Variants in ABI3BP observed in about 807,000 individuals in gnomAD.
The protein encoded by ABI3BP is target of Nesh-SH3.
ABI3BP carries 216 observed loss-of-function variants against 268.6 expected under a neutral mutation model. That is an observed-to-expected ratio of 0.80 (90% CI 0.72 to 0.90). The LOEUF is 0.90. Ranked by LOEUF, ABI3BP falls within the 40% of genes least tolerant of loss-of-function variation. The pLI, the probability that ABI3BP is intolerant of heterozygous loss-of-function variation, is 0.00. For synonymous variants in ABI3BP, 730 were observed against 730.0 expected, an observed-to-expected ratio of 1.00 and a Z score of 0.00; for missense variants, 2,090 against 2,182.4, an observed-to-expected ratio of 0.96 and a Z score of 0.84.
At position 100,838,403 on chromosome 3, in the gene ABI3BP, A is replaced by C. The variant is rs73861219; in HGVS notation, c.2007T>G (p.Pro669=). ...CAAGGCATTGAAAGTAATGATTACC[A>C]GGCTGAATTTGAGGTGCATCTGGTC... ...THRPDAPQIQ[P]GSKPPKQLLP... Residue 669 remains proline (P), a splice_region_variant and synonymous_variant, in exon 25 of 68, where the codon CCT becomes CCG. Coordinates refer to ENST00000471714, the MANE Select transcript of ABI3BP (RefSeq NM_001375547.2). 6.5e-7 allele frequency: 1 copy of C among 1,535,788 alleles called. No individual in the cohort carries two copies. The highest frequency in any genetic ancestry group is 2.0e-5 in the Admixed American group (1 of 50,984).
chr3:100,981,057 T>C (rs1156539240), intron 1 of ABI3BP, among the ~76,000 whole-genome samples: 1 of 152,206 alleles, frequency 6.6e-6, no homozygotes, highest in Non-Finnish European at 1.5e-5. Context: ...GCCAAAGCCA[T>C]CTAGGAATGC....
intron 2 of ABI3BP, among the ~76,000 whole-genome samples, chr3:100,905,691 A>G (rs1434243202): frequency 1.3e-5 from 2 of 152,218 alleles, no homozygotes; most frequent in African/African-American, 4.8e-5. Flanking sequence ...GCATATATGT[A>G]TAAACTGTAA....
In ABI3BP at chr3:100,775,234, T is replaced by G; in HGVS notation, c.4435A>C (p.Thr1479Pro). ...AGTTCTTCTCCAGAGGCAGGAACTG[T>G]TGGTTGCTTTATATCTGTCTCTATT... Reference protein sequence around the residue: ...ERIETDIKQPTVPASGEELEN... With the variant: ...ERIETDIKQPPVPASGEELEN... The change falls in exon 60 of 68, where the codon ACA (threonine) becomes CCA (proline). Residue 1479 changes from threonine (T) to proline (P), a missense_variant. Transcript: ENST00000471714. The G allele has an allele frequency of 6.2e-7, 1 of 1,612,196 alleles. No homozygotes were observed. Among genetic ancestry groups the G allele is most frequent in the Non-Finnish European group, 8.5e-7 (1 of 1,179,146 alleles).
chr3:100,782,431 T>G (rs1419438167), intron 57 of ABI3BP, among the ~76,000 whole-genome samples: 1 of 152,188 alleles, frequency 6.6e-6, no homozygotes, highest in Non-Finnish European at 1.5e-5. Context: ...TTATGATCCT[T>G]AGACATAAGT....
chr3:100,772,806 T>C (rs2150002605), intron 61 of ABI3BP, among the ~76,000 whole-genome samples: 2 of 152,012 alleles, frequency 1.3e-5, no homozygotes, highest in Middle Eastern at 6.8e-3. Flanking sequence ...AGGCTGGGCG[T>C]GGTGGCTCAT....
Position 100,837,428 on chromosome 3 carries a change from T to C in ABI3BP, c.2084-257A>G, listed in dbSNP as rs551601335. 2.6e-4 allele frequency: 93 copies of C among 357,040 alleles called. No individual in the cohort carries two copies. The South Asian group carries it at 5.5e-3, about 21-fold the overall frequency. 22.1% of individuals were successfully genotyped at this position (357,040 alleles called of 1,614,324 possible). On this transcript the variant is annotated intron_variant, in intron 26 of 67. Coordinates refer to ENST00000471714, the MANE Select transcript of ABI3BP (RefSeq NM_001375547.2). ...GAACTGTTATATAAATATCTTCTTA[T>C]GTGGTAGAAAATTACTCAGTTAACA...
chr3:100,794,710 C>T (rs2097293495), intron 54 of ABI3BP, among the ~76,000 whole-genome samples: 1 of 151,940 alleles, frequency 6.6e-6, no homozygotes, highest in Admixed American at 6.6e-5. Flanking sequence ...CAATTTAACA[C>T]ATCTTAGATG....
At chr3:100,958,105 C>A (rs1705232715) in intron 1 of ABI3BP, among the ~76,000 whole-genome samples, 1 of 152,158 alleles carries the variant, frequency 6.6e-6, no homozygotes, top group Non-Finnish European at 1.5e-5. Flanking sequence ...TTAACTAAAA[C>A]AAGTGCAGAG....
chr3:100,963,892 A>G (rs1202652438), intron 1 of ABI3BP, among the ~76,000 whole-genome samples: 1 of 152,214 alleles, frequency 6.6e-6, no homozygotes, highest in Non-Finnish European at 1.5e-5. Flanking sequence ...ACTTGACTCA[A>G]GAGTTCCTTT....
intron 1 of ABI3BP, among the ~76,000 whole-genome samples, chr3:100,975,646 G>A (rs999088138): frequency 2.0e-5 from 3 of 152,036 alleles, no homozygotes; most frequent in African/African-American, 4.8e-5. Context: ...GAATAAAGGA[G>A]GGGTAGAAAA....
chr3:100,757,615 G>C lies in ABI3BP; in HGVS notation c.4851-2924C>G, dbSNP rs568560507. 2.0e-5 allele frequency among the ~76,000 whole-genome samples: 3 copies of C among 152,246 alleles called. No homozygotes were observed. In the South Asian group the frequency reaches 6.2e-4, roughly 32 times the overall value. On this transcript the variant is annotated intron_variant, in intron 63 of 67. Transcript: ENST00000471714. ...TTTCCTCAAGATTTATTTCTTTAGTGCTACAAAGTAATGGAGTAAACAAGG... is the reference window on the plus strand; with the variant it reads ...TTTCCTCAAGATTTATTTCTTTAGTCCTACAAAGTAATGGAGTAAACAAGG...
At chr3:100,934,065 G>A (rs1385895964) in intron 1 of ABI3BP, among the ~76,000 whole-genome samples, 6 of 151,900 alleles carry the variant, frequency 3.9e-5, no homozygotes, top group African/African-American at 1.2e-4. Flanking sequence ...CACGTGCCAT[G>A]GTGGTTTGCT....
At chr3:100,823,850 T>C (rs990748477) in intron 36 of ABI3BP, among the ~76,000 whole-genome samples, 2 of 152,226 alleles carry the variant, frequency 1.3e-5, no homozygotes, top group Admixed American at 1.3e-4. Context: ...GAAATTGTCT[T>C]AAAAGATACA....
chr3:100,812,347 G>T, intron 46 of ABI3BP, 120 bp downstream of exon 46: 1 of 559,402 alleles, frequency 1.8e-6, no homozygotes, highest in South Asian at 7.8e-5. Context: ...GATGAGCACA[G>T]ACAAGCTGTG....
intron 4 of ABI3BP, among the ~76,000 whole-genome samples, chr3:100,897,845 A>C (rs1488019612): frequency 6.6e-5 from 10 of 152,234 alleles, no homozygotes; most frequent in African/African-American, 2.4e-4. Flanking sequence ...ATCACTTTGA[A>C]TGTATTTAAA....
chr3:100,968,528 T>A (rs1392822339), intron 1 of ABI3BP, among the ~76,000 whole-genome samples: 1 of 152,152 alleles, frequency 6.6e-6, no homozygotes, highest in Admixed American at 6.5e-5. Context: ...TTAAAGGTAA[T>A]CATTTAATCC....
chr3:100,772,305 G>A (rs1319759436), intron 61 of ABI3BP, among the ~76,000 whole-genome samples: 2 of 152,188 alleles, frequency 1.3e-5, no homozygotes, highest in Non-Finnish European at 2.9e-5. Flanking sequence ...ACAAAGTGAT[G>A]AAAAGCGCAG....
intron 20 of ABI3BP, chr3:100,843,658 G>A (rs989169558): frequency 8.7e-5 from 86 of 984,284 alleles, no homozygotes; most frequent in Non-Finnish European, 1.0e-4. Flanking sequence ...AAAGGGAATT[G>A]TATGTGTAAG....
intron 3 of ABI3BP, among the ~76,000 whole-genome samples, chr3:100,902,301 C>T (rs1305677243): frequency 6.6e-6 from 1 of 152,222 alleles, no homozygotes; most frequent in Non-Finnish European, 1.5e-5. Flanking sequence ...GCACTGACTA[C>T]AGGCCAGGCA....
Sources: allele counts gnomAD v4.1 joint callset (sites outside exome capture counted in the v4.1 genomes callset), GRCh38; gene constraint gnomAD v4.1.1; transcripts MANE v1.5; gene names NCBI Gene and HGNC (gene_info 2026-07-23, HGNC 2026-07-21).